The following FAM135A variants were observed in gnomAD, a reference collection of about 807,000 sequenced individuals.
The protein encoded by FAM135A is protein FAM135A.
Under a neutral mutation model 146.8 loss-of-function variants are expected in FAM135A, and 79 were observed. That is an observed-to-expected ratio of 0.54 (90% confidence interval 0.45 to 0.65). The LOEUF is 0.65. Ranked by LOEUF, FAM135A falls within the 30% of genes least tolerant of loss-of-function variation. FAM135A has a pLI of 0.00. For missense variants in FAM135A, 1,623 were observed against 1,758.2 expected, an observed-to-expected ratio of 0.92 and a Z score of 1.38; for synonymous variants, 562 against 603.6, an observed-to-expected ratio of 0.93 and a Z score of 1.01.
chr6:70,533,310 A>AT, intron 17 of FAM135A, 59 bp downstream of exon 17: 1 of 1,378,310 alleles, frequency 7.3e-7, no homozygotes, highest in Non-Finnish European at 1.0e-6. Context: ...TTCTACCTAA[A>AT]TTTTGCCTTA....
intron 15 of FAM135A, 59 bp downstream of exon 15, chr6:70,526,757 A>C (rs1794791903): frequency 3.1e-6 from 2 of 636,974 alleles, no homozygotes; most frequent in East Asian, 3.2e-5. Flanking sequence ...ATATACACAC[A>C]CACACACATA....
rs746458381 is a variant in FAM135A, at chr6:70,528,322, A to G, written c.3645A>G (p.Leu1215=). 1 of 1,611,788 alleles carries G rather than the reference A, an allele frequency of 6.2e-7. No homozygotes were observed. The highest frequency in any genetic ancestry group is 1.3e-5 in the African/African-American group (1 of 74,952). ...TTCAGGCAAAAGAAGAACTGAAGCT[A>G]CTAAAACTTCCTGGGTTCATGTACA... The part of the protein sequence containing the change: ...AFLQAKEELK[L]LKLPGFMYSE... Residue 1215 remains leucine, a synonymous_variant, in exon 16 of 22, where the codon CTA becomes CTG. Coordinates refer to ENST00000418814, the MANE Select transcript of FAM135A (RefSeq NM_001162529.3).
chr6:70,553,159 C>T (rs1439474744), intron 20 of FAM135A, among the ~76,000 whole-genome samples: 1 of 152,128 alleles, frequency 6.6e-6, no homozygotes, highest in Non-Finnish European at 1.5e-5. Context: ...GTTGCTCCCC[C>T]CAGCAGAGGA....
intron 20 of FAM135A, among the ~76,000 whole-genome samples, chr6:70,549,601 A>C (rs998053031): frequency 6.6e-6 from 1 of 152,132 alleles, no homozygotes; most frequent in African/African-American, 2.4e-5. Flanking sequence ...AGTGTGTAAT[A>C]GCATTATATC....
intron 3 of FAM135A, chr6:70,426,758 C>T (rs915466897): frequency 2.6e-5 from 4 of 152,146 alleles, no homozygotes; most frequent in African/African-American, 9.7e-5. Flanking sequence ...CCAGGTGACA[C>T]CTGTATGTGA....
chr6:70,517,449 G>A (rs554289147), intron 12 of FAM135A, among the ~76,000 whole-genome samples: 27 of 118,630 alleles, frequency 2.3e-4, no homozygotes, highest in Admixed American at 4.0e-4. Context: ...ATGGAGTTTT[G>A]CTCTTGTCAC....
At chr6:70,435,996 CA>C (rs771623937) in intron 4 of FAM135A, among the ~76,000 whole-genome samples, 11 of 151,992 alleles carry the variant, frequency 7.2e-5, no homozygotes, top group Non-Finnish European at 1.5e-4. Flanking sequence ...CCAACCTGGC[CA>C]ACATGGTGAA....
rs565922920 is a variant in FAM135A at position 70,444,696 on chromosome 6, T to C, written c.78-7796T>C. ...TCATAAATATCAGATGAACTTTATT[T>C]AAAATAATGTGTATATTTGCTTTTA... On this transcript the variant is annotated intron_variant, in intron 4 of 21. Transcript: ENST00000418814. Among the ~76,000 whole-genome samples the C allele has an allele frequency of 1.4e-4, 21 of 152,344 alleles. No individual in the cohort carries two copies. In the South Asian group the frequency reaches 2.7e-3, roughly 20 times the overall value.
intron 14 of FAM135A, 66 bp from the exon 15 acceptor site, chr6:70,524,277 A>C (rs764378736): frequency 7.0e-7 from 1 of 1,423,710 alleles, no homozygotes; most frequent in Non-Finnish European, 9.3e-7. Context: ...TTAGAAAAAG[A>C]AGTCTTAATC....
intron 12 of FAM135A, among the ~76,000 whole-genome samples, chr6:70,509,924 G>T (rs896764442): frequency 7.2e-5 from 11 of 152,020 alleles, no homozygotes; most frequent in African/African-American, 2.7e-4. Flanking sequence ...TTAGAATACC[G>T]TTTATTATGA....
Position 70,477,364 on chromosome 6 carries a change from A to G in FAM135A, c.542+32A>G, listed in dbSNP as rs767656492. The G allele has an allele frequency of 9.4e-6, 15 of 1,600,326 alleles. No homozygotes were observed. In the Admixed American group the frequency reaches 1.4e-4, roughly 15 times the overall value. ...TTGACTAATATTTTTGTATTAAGCC[A>G]TTCTTACACTGCAATAAAGAAATAC... On this transcript the variant is annotated intron_variant, in intron 8 of 21. Transcript: ENST00000418814.
chr6:70,472,033 C>A (rs1045612579), intron 5 of FAM135A, among the ~76,000 whole-genome samples: 3 of 152,038 alleles, frequency 2.0e-5, no homozygotes, highest in African/African-American at 7.3e-5. Context: ...GTGAGTGGTA[C>A]TGTGCTGTCT....
chr6:70,475,320 TCAAA>T (rs1782414091), intron 5 of FAM135A, 86 bp from the exon 6 acceptor site: 2 of 1,070,768 alleles, frequency 1.9e-6, no homozygotes, highest in Middle Eastern at 3.0e-4. Context: ...AGTAATATAA[TCAAA>T]CATACAGTAT....
Position 70,428,385 on chromosome 6 carries a change from A to C in FAM135A, c.43A>C (p.Asn15His). ...AATGGTAGAATTCTCTGTGGAGCTA[A>C]ACAAGTTCTACAATGTGGATTTGTT... ...QAMVEFSVEL[N>H]KFYNVDLFQR... The change falls in exon 4 of 22, where the codon AAC becomes CAC. Residue 15 changes from asparagine to histidine, a missense_variant. Asn to His is a moderately conservative substitution (Grantham distance 68). Around this residue, in one of 7 missense-constraint regions of FAM135A, gnomAD observed 171 missense variants for 164.9 expected, o/e 1.04. Coordinates refer to ENST00000418814, the MANE Select transcript of FAM135A (RefSeq NM_001162529.3). The C allele has an allele frequency of 6.2e-7, 1 of 1,605,240 alleles. No individual in the cohort carries two copies. Among genetic ancestry groups the C allele is most frequent in the Non-Finnish European group, 8.5e-7 (1 of 1,176,004 alleles).
At chr6:70,522,108 G>T (rs568887451) in intron 12 of FAM135A, among the ~76,000 whole-genome samples, 1 of 152,176 alleles carries the variant, frequency 6.6e-6, no homozygotes, top group Non-Finnish European at 1.5e-5. Context: ...GTAGAGACAG[G>T]GTTTCACCAT....
At chr6:70,555,529 A>G (rs535106586) in intron 20 of FAM135A, among the ~76,000 whole-genome samples, 19 of 152,268 alleles carry the variant, frequency 1.2e-4, no homozygotes, top group African/African-American at 4.3e-4. Context: ...CTGAGATTAC[A>G]GGCATGAGCC....
At chr6:70,455,385 C>CAG (rs1041123489) in intron 5 of FAM135A, among the ~76,000 whole-genome samples, 2 of 96,694 alleles carry the variant, frequency 2.1e-5, no homozygotes, top group African/African-American at 9.3e-5. Flanking sequence ...GACAAATACA[C>CAG]ACACACACAC....
At chr6:70,507,371 G>C (rs1332320413) in intron 12 of FAM135A, among the ~76,000 whole-genome samples, 4 of 152,130 alleles carry the variant, frequency 2.6e-5, no homozygotes, top group Non-Finnish European at 5.9e-5. Flanking sequence ...AACTGAAGTA[G>C]TCTAAAGGTC....
chr6:70,440,780 A>G (rs1774280808), intron 4 of FAM135A, among the ~76,000 whole-genome samples: 2 of 152,176 alleles, frequency 1.3e-5, no homozygotes, highest in South Asian at 2.1e-4. Flanking sequence ...TCTTAGTATT[A>G]CTTAAGATCC....
Sources: gnomAD v4.1 joint callset for allele counts (sites outside exome capture counted in the v4.1 genomes callset) on GRCh38, gnomAD v4.1.1 for gene constraint, gnomAD v4.1.1 regional missense constraint, MANE v1.5 for transcripts, NCBI Gene and HGNC (gene_info 2026-07-23, HGNC 2026-07-21) for gene names.